Variants in PPP3R1 observed in about 807,000 individuals in gnomAD.
PPP3R1 encodes the protein calcineurin subunit B type 1.
A neutral mutation model predicts 22.6 loss-of-function variants in PPP3R1; 5 were observed. The ratio of observed to expected loss-of-function variants is 0.22; its 90% confidence interval spans 0.12 to 0.46. PPP3R1 has a LOEUF of 0.46. Ranked by LOEUF, PPP3R1 falls within the 20% of genes least tolerant of loss-of-function variation. The probability of loss-of-function intolerance (pLI) is 0.99; values close to 1 mark genes in which losing one functional copy is unlikely to be tolerated. For synonymous variants in PPP3R1, 56 were observed against 65.2 expected, an observed-to-expected ratio of 0.86 and a Z score of 0.68; for missense variants, 61 against 203.2, an observed-to-expected ratio of 0.30 and a Z score of 4.25.
chr2:68,201,748 T>C (rs959436221), intron 2 of PPP3R1, among the ~76,000 whole-genome samples: 1 of 152,226 alleles, frequency 6.6e-6, no homozygotes, highest in African/African-American at 2.4e-5. Context: ...ATTTGAGTGA[T>C]CATTTGGCTG....
At chr2:68,248,431 T>C (rs1165597155) in intron 1 of PPP3R1, among the ~76,000 whole-genome samples, 1 of 152,236 alleles carries the variant, frequency 6.6e-6, no homozygotes, top group Non-Finnish European at 1.5e-5. Flanking sequence ...GTACATATAG[T>C]TAGTGCTAGG....
chr2:68,245,110 A>C (rs6721447), intron 1 of PPP3R1, among the ~76,000 whole-genome samples: 113,503 of 152,144 alleles, frequency 0.75, 43,357 homozygotes, highest in African/African-American at 0.93. Flanking sequence ...GTGGTTCACG[A>C]CTGTAATCCC....
In PPP3R1 at chr2:68,179,009, A is replaced by AAAAAAAAAAAG. The variant is rs1553403013; in HGVS notation, c.*1953_*1954insCTTTTTTTTTT. On this transcript the variant is annotated 3_prime_UTR_variant, in exon 6 of 6. Transcript: ENST00000234310. ...CACACACAAACTAAAAAAAAAAAAAAAAAAAAAGAAAAAGAAAAAACCCTC... is the reference window on the plus strand; with the variant it reads ...CACACACAAACTAAAAAAAAAAAAAAAAAAAAAAAAGAAAAAAAGAAAAAGAAAAAACCCTC... 2 of 122,510 alleles carry AAAAAAAAAAAG rather than the reference A, an allele frequency of 1.6e-5. No individual in the cohort carries two copies. Among genetic ancestry groups the AAAAAAAAAAAG allele is most frequent in the Non-Finnish European group, 1.6e-5 (1 of 61,316 alleles). The allele number at this position is 122,510 out of a possible 1,614,324, so 7.6% of individuals were successfully genotyped here. A position where few individuals can be genotyped will look rare whatever the true frequency, so the allele number is the denominator to read the frequency against.
At chr2:68,184,161 G>A (rs888202259) in intron 5 of PPP3R1, among the ~76,000 whole-genome samples, 1 of 152,196 alleles carries the variant, frequency 6.6e-6, no homozygotes, top group Non-Finnish European at 1.5e-5. Context: ...ACAGAGTAGG[G>A]AAGGCGATCT....
chr2:68,187,365 CAA>C, intron 3 of PPP3R1, 51 bp from the exon 4 acceptor site: 1 of 1,445,084 alleles, frequency 6.9e-7, no homozygotes, highest in Non-Finnish European at 9.6e-7. Context: ...ATTTTTTACA[CAA>C]AAAACATATT....
At chr2:68,211,406 CAAA>C (rs3979551) in intron 2 of PPP3R1, among the ~76,000 whole-genome samples, 6 of 77,402 alleles carry the variant, frequency 7.8e-5, no homozygotes, top group South Asian at 5.9e-4. Context: ...GACTCTGTCT[CAAA>C]AAAAAAAAAA....
chr2:68,234,980 T>A (rs1669991821), intron 1 of PPP3R1, among the ~76,000 whole-genome samples: 1 of 152,096 alleles, frequency 6.6e-6, no homozygotes, highest in Admixed American at 6.5e-5. Context: ...CAACAAACAC[T>A]AAGGCTAGAA....
At chr2:68,185,442 TTTATA>T (rs201467041) in intron 5 of PPP3R1, among the ~76,000 whole-genome samples, 42,282 of 146,918 alleles carry the variant, frequency 0.29, 7,201 homozygotes, top group South Asian at 0.53. Context: ...ATTTCTTATA[TTTATA>T]TTATATTTAT....
At chr2:68,200,142 T>A (rs552205564) in intron 2 of PPP3R1, among the ~76,000 whole-genome samples, 20 of 152,320 alleles carry the variant, frequency 1.3e-4, no homozygotes, top group African/African-American at 4.8e-4. Context: ...AGTAATTTGT[T>A]TTGCAAGGAA....
Position 68,185,984 on chromosome 2 carries a change from TAAA to T in PPP3R1, c.465+481_465+483del, listed in dbSNP as rs547275603. Among the ~76,000 whole-genome samples the T allele has an allele frequency of 1.8e-3, 278 of 152,264 alleles. 1 individual carries two copies. Among genetic ancestry groups the T allele is most frequent in the African/African-American group, 6.2e-3 (258 of 41,560 alleles). On this transcript the variant is annotated intron_variant, in intron 5 of 5. Transcript: ENST00000234310. ...TCCTTATATGATTTACATTTAAAAA[TAAA>T]AAGGAGGAAGAAAATCTTTCTATGG...
rs753570869 is a variant in PPP3R1 at position 68,217,082 on chromosome 2, T to A, written c.43+10A>T. The A allele has an allele frequency of 6.3e-7, 1 of 1,575,960 alleles. No individual in the cohort carries two copies. Among genetic ancestry groups the A allele is most frequent in the South Asian group, 1.2e-5 (1 of 86,706 alleles). ...TAAAAGTAACTTTTGGTAACAAGAA[T>A]ATGACTTACAGTGTGAGCACATTTC... On this transcript the variant is annotated intron_variant, in intron 2 of 5. Transcript: ENST00000234310.
chr2:68,241,752 G>A (rs1044761491), intron 1 of PPP3R1, among the ~76,000 whole-genome samples: 3 of 151,396 alleles, frequency 2.0e-5, no homozygotes, highest in African/African-American at 4.9e-5. Flanking sequence ...GCTGAAGCAG[G>A]AGAATCACTT....
At chr2:68,181,594 CTTTTT>C (rs35684152) in intron 5 of PPP3R1, among the ~76,000 whole-genome samples, 4 of 137,758 alleles carry the variant, frequency 2.9e-5, no homozygotes, top group African/African-American at 1.1e-4. Context: ...TCACATTTTC[CTTTTT>C]TTTTTTTTTT....
In PPP3R1 at chr2:68,179,354, A is replaced by G. The variant is rs1414565971; in HGVS notation, c.*1609T>C. ...TTTTAAAATTATGCAAATTATGTAA[A>G]CAAGAGGTACATTTTAAATTGATCT... On this transcript the variant is annotated 3_prime_UTR_variant, in exon 6 of 6. Coordinates refer to ENST00000234310, the MANE Select transcript of PPP3R1 (RefSeq NM_000945.4). 1 of 152,144 alleles carries G rather than the reference A, an allele frequency of 6.6e-6. No homozygotes were observed. Among genetic ancestry groups the G allele is most frequent in the Admixed American group, 6.6e-5 (1 of 15,262 alleles). The allele number at this position is 152,144 out of a possible 1,614,324, so 9.4% of individuals were successfully genotyped here.
At chr2:68,206,031 T>C (rs1308581589) in intron 2 of PPP3R1, among the ~76,000 whole-genome samples, 1 of 152,038 alleles carries the variant, frequency 6.6e-6, no homozygotes, top group Admixed American at 6.5e-5. Context: ...TTGGTCAGGC[T>C]GGTCTTGAAC....
At chr2:68,231,687 T>C (rs1370048761) in intron 1 of PPP3R1, among the ~76,000 whole-genome samples, 2 of 152,204 alleles carry the variant, frequency 1.3e-5, no homozygotes, top group Non-Finnish European at 2.9e-5. Flanking sequence ...ATCAGTGATA[T>C]TCTTAAGCAA....
In PPP3R1 at chr2:68,188,822, T is replaced by C. The variant is rs1254072685; in HGVS notation, c.44-132A>G. On this transcript the variant is annotated intron_variant, in intron 2 of 5. Coordinates refer to ENST00000234310, the MANE Select transcript of PPP3R1 (RefSeq NM_000945.4). Reference sequence around the variant, plus strand: ...GAAAAAAAATCTAACAGTTATCCAATAGTTTAATTTCCAATTTGATAAAAA... The same window carrying C: ...GAAAAAAAATCTAACAGTTATCCAACAGTTTAATTTCCAATTTGATAAAAA... 10 of 694,108 alleles carry C rather than the reference T, an allele frequency of 1.4e-5. No individual in the cohort carries two copies. The Admixed American group carries it at 1.6e-4, about 11-fold the overall frequency. 43.0% of individuals were successfully genotyped at this position (694,108 alleles called of 1,614,324 possible).
chr2:68,215,828 G>A (rs1171851722), intron 2 of PPP3R1, among the ~76,000 whole-genome samples: 1 of 152,104 alleles, frequency 6.6e-6, no homozygotes, highest in African/African-American at 2.4e-5. Context: ...GGTGGGGAAA[G>A]AGTAGAGTAG....
rs549903134 is a variant in PPP3R1, at chr2:68,252,154, G to T, written c.-27C>A. 7 of 1,412,098 alleles carry T rather than the reference G, an allele frequency of 5.0e-6. No individual in the cohort carries two copies. In the South Asian group the frequency reaches 5.6e-5, roughly 11 times the overall value. 87.5% of individuals were successfully genotyped at this position (1,412,098 alleles called of 1,614,324 possible). A position where few individuals can be genotyped will look rare whatever the true frequency, so the allele number is the denominator to read the frequency against. On this transcript the variant is annotated 5_prime_UTR_variant, in exon 1 of 6. Transcript: ENST00000234310. ...TTGCTCGGCGGGTCGGCGGCTCGCTGGCTCGCTGGCTCGGAGAAGTGTTGC... is the reference window on the plus strand; with the variant it reads ...TTGCTCGGCGGGTCGGCGGCTCGCTTGCTCGCTGGCTCGGAGAAGTGTTGC...
Sources: allele counts gnomAD v4.1 joint callset (sites outside exome capture counted in the v4.1 genomes callset), GRCh38; gene constraint gnomAD v4.1.1; transcripts MANE v1.5; gene names NCBI Gene and HGNC (gene_info 2026-07-23, HGNC 2026-07-21).